FBXO10: variants seen among roughly 807,000 people sequenced by gnomAD.
The protein encoded by FBXO10 is F-box protein 10, also known as F-box only protein 10.
FBXO10 carries 39 observed loss-of-function variants against 80.7 expected under a neutral mutation model. That is an observed-to-expected ratio of 0.48 (90% CI 0.37 to 0.63). FBXO10 has a LOEUF of 0.63. FBXO10 is among the 30% of genes least tolerant of loss of function. FBXO10 has a pLI of 0.00. For synonymous variants in FBXO10, 449 were observed against 489.6 expected (o/e 0.92, Z 1.09); for missense variants, 1,025 against 1,269.0 (o/e 0.81, Z 2.92).
In FBXO10 at chr9:37,512,502, C is replaced by T; in HGVS notation, c.*45G>A. ...TCAGGCAGTATTTCCACCTTAGCTC[C>T]TCTGAGCACCCATCCAGGCTTGGCC... On this transcript the variant is annotated 3_prime_UTR_variant, in exon 11 of 11. Coordinates refer to ENST00000432825, the MANE Select transcript of FBXO10 (RefSeq NM_012166.3). The T allele has an allele frequency of 6.3e-7, 1 of 1,585,550 alleles. No homozygotes were observed. Among genetic ancestry groups the T allele is most frequent in the Non-Finnish European group, 8.6e-7 (1 of 1,161,834 alleles).
intron 1 of FBXO10, among the ~76,000 whole-genome samples, chr9:37,550,171 T>TTTTTG (rs1400267666): frequency 3.7e-5 from 2 of 54,134 alleles, no homozygotes; most frequent in East Asian, 6.6e-4. Context: ...CGTCTCAGGT[T>TTTTTG]TTTTTTTTTT....
intron 5 of FBXO10, among the ~76,000 whole-genome samples, chr9:37,527,630 G>T (rs1193717288): frequency 1.3e-5 from 2 of 152,196 alleles, no homozygotes; most frequent in Admixed American, 1.3e-4. Flanking sequence ...CTAGTAAAGT[G>T]CTCATTTTGG....
chr9:37,553,916 C>CAAAAAAAAAAAA (rs71494669), intron 1 of FBXO10, among the ~76,000 whole-genome samples: 17 of 64,238 alleles, frequency 2.6e-4, no homozygotes, highest in East Asian at 9.7e-4. Context: ...AAGTCTGCCT[C>CAAAAAAAAAAAA]AAAAAAAAAA....
In FBXO10 at chr9:37,541,725, A is replaced by T; in HGVS notation, c.44T>A (p.Leu15Ter). 6.2e-7 allele frequency: 1 copy of T among 1,612,654 alleles called. No homozygotes were observed. Among genetic ancestry groups the T allele is most frequent in the Non-Finnish European group, 8.5e-7 (1 of 1,179,218 alleles). Reference sequence around the variant, plus strand: ...CAGGTCGGGAAGGTGCAAGTAGGCTAAGATCATGCGCCACAGCTCCAAGGG... The same window carrying T: ...CAGGTCGGGAAGGTGCAAGTAGGCTTAGATCATGCGCCACAGCTCCAAGGG... ...GLPLELWRMI[L>*]AYLHLPDLGR... The change falls in exon 2 of 11, where the codon TTA becomes TAA. Residue 15 changes from leucine (L) to a stop codon, truncating the protein, a stop_gained. Transcript: ENST00000432825. LOFTEE classifies it high-confidence loss of function.
rs114247605 is a variant in FBXO10 at position 37,552,972 on chromosome 9, G to T, written c.-6-11198C>A. On this transcript the variant is annotated intron_variant, in intron 1 of 10. Coordinates refer to ENST00000432825, the MANE Select transcript of FBXO10 (RefSeq NM_012166.3). ...ATTAGGTTTCCAATACATACATTTT[G>T]GGGGGGACATATTCAGACCACAGCA... 6.0e-3 allele frequency among the ~76,000 whole-genome samples: 910 copies of T among 151,866 alleles called. 7 individuals are homozygous for T. Among genetic ancestry groups the T allele is most frequent in the African/African-American group, 0.02 (829 of 41,410 alleles).
chr9:37,542,663 T>C (rs1256874632), intron 1 of FBXO10, among the ~76,000 whole-genome samples: 2 of 151,350 alleles, frequency 1.3e-5, no homozygotes, highest in Non-Finnish European at 2.9e-5. Flanking sequence ...GGAAACCTTC[T>C]GGTATAAGAG....
intron 1 of FBXO10, among the ~76,000 whole-genome samples, chr9:37,572,285 T>G (rs1254921266): frequency 1.3e-5 from 2 of 152,164 alleles, no homozygotes. Context: ...TCTCATATAC[T>G]CCTGGTAGGA....
chr9:37,556,500 A>T (rs1474514393), intron 1 of FBXO10, among the ~76,000 whole-genome samples: 1 of 150,834 alleles, frequency 6.6e-6, no homozygotes, highest in East Asian at 1.9e-4. Context: ...TTGTCAAAAA[A>T]TGATAAATCA....
intron 1 of FBXO10, among the ~76,000 whole-genome samples, chr9:37,545,030 C>T (rs1279561349): frequency 6.7e-6 from 1 of 149,414 alleles, no homozygotes; most frequent in East Asian, 2.0e-4. Context: ...AAAAGCTGGG[C>T]TCTGGACTGT....
intron 1 of FBXO10, among the ~76,000 whole-genome samples, chr9:37,553,341 A>G (rs1415215598): frequency 2.6e-5 from 4 of 151,890 alleles, no homozygotes; most frequent in Admixed American, 1.3e-4. Flanking sequence ...GCCCGGCCAC[A>G]TGTATGTTTT....
At chr9:37,566,837 C>T (rs568541107) in intron 1 of FBXO10, among the ~76,000 whole-genome samples, 7 of 152,178 alleles carry the variant, frequency 4.6e-5, no homozygotes, top group African/African-American at 1.2e-4. Flanking sequence ...CTCTCTTCAG[C>T]GTGAGAAATA....
intron 10 of FBXO10, 41 bp from the exon 11 acceptor site, chr9:37,512,762 G>C (rs772602632): frequency 6.3e-7 from 1 of 1,590,184 alleles, no homozygotes. Context: ...TCTGAGGGGT[G>C]TGCAGTGCTG....
intron 3 of FBXO10, 72 bp downstream of exon 3, chr9:37,537,038 A>C: frequency 1.7e-6 from 2 of 1,168,798 alleles, no homozygotes; most frequent in Non-Finnish European, 2.4e-6. Flanking sequence ...TTAAAATGCA[A>C]AATAGCCCCA....
At chr9:37,515,651 C>T (rs1018553896) in intron 10 of FBXO10, 5 of 389,530 alleles carry the variant, frequency 1.3e-5, no homozygotes, top group African/African-American at 2.1e-5. Context: ...TGCCCAAGGT[C>T]ACACAGCCAG....
intron 1 of FBXO10, among the ~76,000 whole-genome samples, chr9:37,551,071 C>T (rs1402367080): frequency 6.6e-6 from 1 of 152,208 alleles, no homozygotes; most frequent in Non-Finnish European, 1.5e-5. Context: ...GACAGACATT[C>T]CCATTGCAAG....
Position 37,541,304 on chromosome 9 carries a change from A to G in FBXO10, c.465T>C (p.Ile155=). Reference sequence around the variant, plus strand: ...CTTCACCCAACTTCCCCTGCCCTACAATCTCCACAGGCACCTTCAAGATGA... The same window carrying G: ...CTTCACCCAACTTCCCCTGCCCTACGATCTCCACAGGCACCTTCAAGATGA... The part of the protein sequence containing the change: ...GEIILKVPVE[I]VGQGKLGEVA... The change falls in exon 2 of 11, where the codon ATT becomes ATC. Residue 155 remains isoleucine, a synonymous_variant. Coordinates refer to ENST00000432825, the MANE Select transcript of FBXO10 (RefSeq NM_012166.3). 6.2e-7 allele frequency: 1 copy of G among 1,613,910 alleles called. No homozygotes were observed. The highest frequency in any genetic ancestry group is 8.5e-7 in the Non-Finnish European group (1 of 1,179,862).
chr9:37,523,585 C>A (rs749636576), intron 6 of FBXO10, among the ~76,000 whole-genome samples: 4 of 151,994 alleles, frequency 2.6e-5, no homozygotes, highest in Non-Finnish European at 5.9e-5. Flanking sequence ...TGGTGAGTGA[C>A]ACTGGTGTCC....
chr9:37,535,046 C>T (rs1025401967), intron 3 of FBXO10, among the ~76,000 whole-genome samples: 7 of 152,110 alleles, frequency 4.6e-5, no homozygotes, highest in African/African-American at 1.2e-4. Context: ...GCGAGAGCAG[C>T]GGAGATCGCC....
chr9:37,564,870 C>T (rs1261071993), intron 1 of FBXO10, among the ~76,000 whole-genome samples: 1 of 152,174 alleles, frequency 6.6e-6, no homozygotes, highest in East Asian at 1.9e-4. Context: ...TGAGTTAAGA[C>T]TTTGGGGTAC....
Sources: allele counts gnomAD v4.1 joint callset (sites outside exome capture counted in the v4.1 genomes callset), GRCh38; gene constraint gnomAD v4.1.1; transcripts MANE v1.5; gene names NCBI Gene and HGNC (gene_info 2026-07-23, HGNC 2026-07-21).